The following RPGRIP1L variants were observed in gnomAD, a reference collection of about 807,000 sequenced individuals.
RPGRIP1L encodes the protein RPGRIP1 like, also known as protein fantom.
Under a neutral mutation model 160.4 loss-of-function variants are expected in RPGRIP1L, and 131 were observed. The observed-to-expected ratio is 0.82, with a 90% CI of 0.71 to 0.94. The LOEUF is 0.94. RPGRIP1L is among the 40% of genes least tolerant of loss of function. The pLI is 0.00. For synonymous variants in RPGRIP1L, 510 were observed against 515.8 expected, an observed-to-expected ratio of 0.99 and a Z score of 0.15; for missense variants, 1,522 against 1,535.8, an observed-to-expected ratio of 0.99 and a Z score of 0.15.
At chr16:53,640,045 C>T (rs532433138) in intron 19 of RPGRIP1L, among the ~76,000 whole-genome samples, 1 of 152,100 alleles carries the variant, frequency 6.6e-6, no homozygotes, top group Non-Finnish European at 1.5e-5. Flanking sequence ...AAAAAGTCCA[C>T]CACAGAGAAT....
intron 10 of RPGRIP1L, 122 bp from the exon 11 acceptor site, chr16:53,659,000 G>A (rs552347880): frequency 1.3e-6 from 1 of 762,766 alleles, no homozygotes; most frequent in East Asian, 2.7e-5. Flanking sequence ...GGTCAGAAAG[G>A]AAACTGAGCT....
In RPGRIP1L at chr16:53,598,404, A is replaced by C. The variant is rs1963262717; in HGVS notation, c.*3672T>G. On this transcript the variant is annotated 3_prime_UTR_variant, in exon 27 of 27. Coordinates refer to ENST00000647211, the MANE Select transcript of RPGRIP1L (RefSeq NM_015272.5). ...TTAGTGAATGTCATATGGAAAATGAAAGGGCAAGAACAAAAGGTATAAGAA... is the reference window on the plus strand; with the variant it reads ...TTAGTGAATGTCATATGGAAAATGACAGGGCAAGAACAAAAGGTATAAGAA... The C allele has an allele frequency of 6.6e-6, 1 of 152,220 alleles. No homozygotes were observed. The highest frequency in any genetic ancestry group is 1.9e-4 in the East Asian group (1 of 5,192). 9.4% of individuals were successfully genotyped at this position (152,220 alleles called of 1,614,324 possible). A position where few individuals can be genotyped will look rare whatever the true frequency, so the allele number is the denominator to read the frequency against.
rs1306116489 is a variant in RPGRIP1L at position 53,648,615 on chromosome 16, C to CGT, written c.2304+348_2304+349insAC. Among the ~76,000 whole-genome samples, 12 of 92,416 alleles carry CGT rather than the reference C, an allele frequency of 1.3e-4. No homozygotes were observed. The South Asian group carries it at 4.5e-3, about 35-fold the overall frequency. 60.6% of individuals were successfully genotyped at this position (92,416 alleles called of 152,430 possible). A position where few individuals can be genotyped will look rare whatever the true frequency, so the allele number is the denominator to read the frequency against. On this transcript the variant is annotated intron_variant, in intron 16 of 26. Coordinates refer to ENST00000647211, the MANE Select transcript of RPGRIP1L (RefSeq NM_015272.5). ...AATTGCACATATACGTACGCGCGTG[C>CGT]GCGCGCGCGCGCACACACACACACA...
intron 9 of RPGRIP1L, among the ~76,000 whole-genome samples, chr16:53,670,924 G>A (rs899478019): frequency 2.6e-5 from 4 of 151,970 alleles, no homozygotes; most frequent in Non-Finnish European, 4.4e-5. Flanking sequence ...GAAAGAACTC[G>A]TCACTACCAA....
At chr16:53,698,041 C>CTGCCCGGG (rs1421739488) in intron 2 of RPGRIP1L, among the ~76,000 whole-genome samples, 2 of 151,900 alleles carry the variant, frequency 1.3e-5, no homozygotes, top group African/African-American at 4.8e-5. Flanking sequence ...AGGAGTGCCT[C>CTGCCCGGG]TGCCCGGCCG....
chr16:53,664,291 T>C (rs781738768), intron 10 of RPGRIP1L, among the ~76,000 whole-genome samples: 4 of 152,168 alleles, frequency 2.6e-5, no homozygotes, highest in Non-Finnish European at 4.4e-5. Flanking sequence ...CAAAACTTTC[T>C]GGTATTTAAG....
At chr16:53,603,041 T>G (rs1963464488) in intron 26 of RPGRIP1L, among the ~76,000 whole-genome samples, 1 of 152,224 alleles carries the variant, frequency 6.6e-6, no homozygotes, top group African/African-American at 2.4e-5. Flanking sequence ...GGACCACTAC[T>G]TTCAGTGGTG....
chr16:53,677,545 T>C (rs1296422042), intron 6 of RPGRIP1L, among the ~76,000 whole-genome samples: 1 of 152,202 alleles, frequency 6.6e-6, no homozygotes, highest in African/African-American at 2.4e-5. Context: ...AAATGTGGTC[T>C]AGCCTTTAAG....
intron 22 of RPGRIP1L, among the ~76,000 whole-genome samples, chr16:53,630,796 G>A (rs879434763): frequency 9.9e-5 from 15 of 152,168 alleles, no homozygotes; most frequent in South Asian, 4.2e-4. Context: ...GTGCAGTGGT[G>A]CAATCTCGAC....
At chr16:53,648,624 G>GCACACACACACACACACA (rs1285147301) in intron 16 of RPGRIP1L, among the ~76,000 whole-genome samples, 2 of 106,722 alleles carry the variant, frequency 1.9e-5, no homozygotes, top group Admixed American at 8.7e-5. Context: ...GCGCGCGCGC[G>GCACACACACACACACACA]CGCACACACA....
intron 20 of RPGRIP1L, 57 bp downstream of exon 20, chr16:53,638,253 C>CA: frequency 9.8e-7 from 1 of 1,021,070 alleles, no homozygotes; most frequent in South Asian, 1.3e-5. Flanking sequence ...ACTTATAAGA[C>CA]AAAGTATTTA....
intron 24 of RPGRIP1L, among the ~76,000 whole-genome samples, chr16:53,617,799 A>G (rs1201763134): frequency 6.6e-6 from 1 of 152,186 alleles, no homozygotes; most frequent in East Asian, 1.9e-4. Context: ...GATGGGGGAA[A>G]AAAAAGGTAA....
At chr16:53,643,720 C>T (rs1456183253) in intron 17 of RPGRIP1L, among the ~76,000 whole-genome samples, 1 of 152,172 alleles carries the variant, frequency 6.6e-6, no homozygotes, top group Non-Finnish European at 1.5e-5. Flanking sequence ...ATAGATTCTA[C>T]AGAAATAGTC....
Position 53,636,482 on chromosome 16 carries a change from T to A in RPGRIP1L, c.3251A>T (p.Asp1084Val). The change falls in exon 22 of 27, where the codon GAT (aspartate) becomes GTT (valine). Residue 1084 changes from aspartate to valine, a missense_variant. By Grantham distance (152) the Asp-to-Val change is radical. Transcript: ENST00000647211. ...VEEDMSASDS[D>V]DCIIPGPISK... The stretch of plus-strand genomic sequence containing the variant: ...GATAGGACCTGGAATAATACAGTCA[T>A]CACTGTCAGAAGCTGACATGTCCTC... The A allele has an allele frequency of 6.2e-7, 1 of 1,612,704 alleles. No individual in the cohort carries two copies. The highest frequency in any genetic ancestry group is 8.5e-7 in the Non-Finnish European group (1 of 1,178,922).
At chr16:53,618,735 C>A (rs1265447503) in intron 24 of RPGRIP1L, among the ~76,000 whole-genome samples, 2 of 151,824 alleles carry the variant, frequency 1.3e-5, no homozygotes, top group Non-Finnish European at 2.9e-5. Context: ...TTTGTAGAGA[C>A]GAGGTTTTGC....
At chr16:53,608,280 T>C (rs1963812035) in intron 25 of RPGRIP1L, among the ~76,000 whole-genome samples, 1 of 152,230 alleles carries the variant, frequency 6.6e-6, no homozygotes. Context: ...CCTCCTCAGA[T>C]TCACTACTGA....
chr16:53,687,938 G>C lies in RPGRIP1L; in HGVS notation c.557C>G (p.Ala186Gly). The C allele has an allele frequency of 1.2e-6, 2 of 1,608,466 alleles. No homozygotes were observed. The highest frequency in any genetic ancestry group is 1.1e-5 in the South Asian group (1 of 90,822). ...TGTAAACATGGGATGTGGAGTTTCTGCTACATCTGCATCTTGGAATTTTAT... is the reference window on the plus strand; with the variant it reads ...TGTAAACATGGGATGTGGAGTTTCTCCTACATCTGCATCTTGGAATTTTAT... ...KGIKFQDADV[A>G]ETPHPMFTKY... Residue 186 changes from alanine to glycine, a missense_variant, in exon 5 of 27, where the codon GCA becomes GGA. Coordinates refer to ENST00000647211, the MANE Select transcript of RPGRIP1L (RefSeq NM_015272.5).
intron 24 of RPGRIP1L, among the ~76,000 whole-genome samples, chr16:53,617,362 A>G (rs1434852459): frequency 6.6e-6 from 1 of 152,094 alleles, no homozygotes; most frequent in African/African-American, 2.4e-5. Flanking sequence ...AGAGTTTGTC[A>G]TTTTTCTTGG....
intron 10 of RPGRIP1L, among the ~76,000 whole-genome samples, chr16:53,664,664 A>G (rs1211229591): frequency 6.6e-6 from 1 of 152,174 alleles, no homozygotes; most frequent in East Asian, 1.9e-4. Flanking sequence ...AGCTATGAGA[A>G]AAAGCAATTC....
Sources: gnomAD v4.1 joint callset for allele counts (sites outside exome capture counted in the v4.1 genomes callset) on GRCh38, gnomAD v4.1.1 for gene constraint, MANE v1.5 for transcripts, NCBI Gene and HGNC (gene_info 2026-07-23, HGNC 2026-07-21) for gene names.